Variants in IL11RA observed in about 807,000 individuals in gnomAD.
IL11RA encodes the protein interleukin-11 receptor subunit alpha.
Under a neutral mutation model 57.0 loss-of-function variants are expected in IL11RA, and 51 were observed. The ratio of observed to expected loss-of-function variants is 0.89; its 90% confidence interval spans 0.71 to 1.13. The LOEUF is 1.13. Among genes scored for constraint, IL11RA ranks in the 50% most tolerant of loss-of-function variants. IL11RA has a pLI of 0.00. For synonymous variants in IL11RA, 199 were observed against 217.5 expected (o/e 0.91, Z 0.75); for missense variants, 498 against 539.4 (o/e 0.92, Z 0.76).
intron 8 of IL11RA, 81 bp from the exon 9 acceptor site, chr9:34,659,678 C>A (rs1821413633): frequency 2.6e-6 from 4 of 1,555,820 alleles, no homozygotes; most frequent in African/African-American, 1.4e-5. Context: ...AGACTGGGAG[C>A]AAGGGGTGCT....
At chr9:34,661,404 C>G in intron 12 of IL11RA, 78 bp from the exon 13 acceptor site, 3 of 1,482,766 alleles carry the variant, frequency 2.0e-6, no homozygotes, top group South Asian at 1.1e-5. Context: ...AGAACTGAGT[C>G]ACCTCCCTCA....
chr9:34,656,034 C>CT (rs556829448), intron 3 of IL11RA: 60,205 of 253,892 alleles, frequency 0.24, 4,293 homozygotes, highest in Admixed American at 0.3. Flanking sequence ...TGAGTGGTTA[C>CT]TTTTTTTTTT....
rs35968627 is a variant in IL11RA at position 34,658,931 on chromosome 9, CT to C, written c.810+259del. Among the ~76,000 whole-genome samples the C allele has an allele frequency of 8.8e-5, 13 of 148,456 alleles. No individual in the cohort carries two copies. The highest frequency in any genetic ancestry group is 1.3e-4 in the Admixed American group (2 of 14,900). On this transcript the variant is annotated intron_variant, in intron 8 of 12. Transcript: ENST00000441545. The surrounding 1 kb of genome is among the most constrained non-coding windows in gnomAD (Gnocchi z 4.0). ...ATAGCAATGGCTTTTAAAAAAATAA[CT>C]TTTTTTTTTTGAGAGGGAGTCTCGC...
chr9:34,652,836 C>G (rs1376880621), intron 1 of IL11RA, among the ~76,000 whole-genome samples: 1 of 152,168 alleles, frequency 6.6e-6, no homozygotes, highest in Non-Finnish European at 1.5e-5. Context: ...CCTCCTTCCT[C>G]TGCTCAAGAA....
chr9:34,655,032 T>A, intron 1 of IL11RA, 186 bp from the exon 2 acceptor site: 2 of 615,720 alleles, frequency 3.2e-6, no homozygotes, highest in African/African-American at 1.9e-5. Context: ...CGCACGCACA[T>A]GCAAAGCACT....
intron 12 of IL11RA, 130 bp from the exon 13 acceptor site, chr9:34,661,352 T>C: frequency 1.0e-5 from 10 of 994,778 alleles, no homozygotes; most frequent in Non-Finnish European, 1.6e-5. Context: ...AGAGGCTCCC[T>C]CAGAGCTGGG....
intron 6 of IL11RA, 23 bp downstream of exon 6, chr9:34,657,358 G>C: frequency 6.2e-7 from 1 of 1,614,086 alleles, no homozygotes; most frequent in Non-Finnish European, 8.5e-7. Flanking sequence ...GGAGCATGTG[G>C]GGGCTCCAGC....
rs1395137646 is a variant in IL11RA at position 34,657,542 on chromosome 9, C to G, written c.601C>G (p.Leu201Val). 6.2e-7 allele frequency: 1 copy of G among 1,614,220 alleles called. No homozygotes were observed. Among genetic ancestry groups the G allele is most frequent in the East Asian group, 2.2e-5 (1 of 44,886 alleles). The change falls in exon 7 of 13, where the codon CTG (leucine) becomes GTG (valine). Residue 201 changes from leucine to valine, a missense_variant. Leu to Val is a conservative substitution (Grantham distance 32, BLOSUM62 1). Coordinates refer to ENST00000441545, the MANE Select transcript of IL11RA (RefSeq NM_001142784.3). The stretch of plus-strand genomic sequence containing the variant: ...GATTAATGTGACTGAGGTGAACCCA[C>G]TGGGTGCCAGCACACGCCTGCTGGA... ...YRINVTEVNP[L>V]GASTRLLDVS...
Position 34,658,670 on chromosome 9 carries a change from C to T in IL11RA, c.797C>T (p.Pro266Leu), listed in dbSNP as rs1821396325. 3.1e-6 allele frequency: 5 copies of T among 1,613,008 alleles called. No individual in the cohort carries two copies. The highest frequency in any genetic ancestry group is 4.2e-6 in the Non-Finnish European group (5 of 1,180,030). Residue 266 changes from proline to leucine, a missense_variant, in exon 8 of 13, where the codon CCA becomes CTA. By Grantham distance (98) the Pro-to-Leu change is moderately conservative. Transcript: ENST00000441545. This position sits in a 1 kb window ranked among gnomAD's most constrained non-coding sequence, Gnocchi z 4.0. ...FRLQYRPAQH[P>L]AWSTVEPAGL... ...TTGCAGTACCGTCCGGCGCAGCATC[C>T]AGCCTGGTCCACGGTGAGGCCTGGA...
In IL11RA at chr9:34,661,616, G is replaced by A. The variant is rs2132362133; in HGVS notation, c.*118G>A. The A allele has an allele frequency of 8.8e-7, 1 of 1,141,512 alleles. No homozygotes were observed. The highest frequency in any genetic ancestry group is 2.4e-5 in the East Asian group (1 of 42,524). 70.7% of individuals were successfully genotyped at this position (1,141,512 alleles called of 1,614,324 possible). On this transcript the variant is annotated 3_prime_UTR_variant, in exon 13 of 13. Coordinates refer to ENST00000441545, the MANE Select transcript of IL11RA (RefSeq NM_001142784.3). ...ATCTCAGCTGGAAGTTCTGTTTGGA[G>A]CCCATTTCTGTGAGACCCTGTATTT...
intron 8 of IL11RA, 130 bp from the exon 9 acceptor site, chr9:34,659,629 C>G (rs564930485): frequency 8.9e-7 from 1 of 1,120,466 alleles, no homozygotes; most frequent in South Asian, 1.2e-5. Context: ...ACCAGACACC[C>G]AACATGAGAC....
At position 34,660,516 on chromosome 9, in the gene IL11RA, CTG is replaced by C; in HGVS notation, c.1088_1089del (p.Val363GlyfsTer80). On this transcript the variant is annotated frameshift_variant, in exon 11 of 13. Transcript: ENST00000441545. LOFTEE classifies it high-confidence loss of function. ...CCCTCCCCCTCAGATCACAGGGACT[CTG>C]TGGAGCAGGTAGCTGTGCTGGCGTC... The C allele has an allele frequency of 6.2e-7, 1 of 1,614,154 alleles. No homozygotes were observed. Among genetic ancestry groups the C allele is most frequent in the Non-Finnish European group, 8.5e-7 (1 of 1,179,970 alleles).
intron 9 of IL11RA, 147 bp downstream of exon 9, chr9:34,660,047 C>T: frequency 1.6e-6 from 2 of 1,245,720 alleles, no homozygotes; most frequent in Non-Finnish European, 2.3e-6. Flanking sequence ...TGTTTGCCTA[C>T]AGCCCTGTCT....
At chr9:34,661,030 C>A in intron 12 of IL11RA, 94 bp downstream of exon 12, 2 of 1,050,514 alleles carry the variant, frequency 1.9e-6, no homozygotes, top group Non-Finnish European at 3.0e-6. Flanking sequence ...CATTTTAAAA[C>A]ATGCTGGGAA....
At chr9:34,655,062 G>A in intron 1 of IL11RA, 156 bp from the exon 2 acceptor site, 1 of 676,120 alleles carries the variant, frequency 1.5e-6, no homozygotes, top group Non-Finnish European at 2.7e-6. Context: ...GTGGGAAAGG[G>A]GACCTCAGGT....
Position 34,655,260 on chromosome 9 carries a change from G to A in IL11RA, c.43G>A (p.Val15Met), listed in dbSNP as rs375509258. The change falls in exon 2 of 13, where the codon GTG (valine) becomes ATG (methionine). Residue 15 changes from valine to methionine, a missense_variant. By Grantham distance (21) the Val-to-Met change is conservative (BLOSUM62 1). Transcript: ENST00000441545. The stretch of plus-strand genomic sequence containing the variant: ...AGGGCTGAGCAGGGTCCTGGTGGCC[G>A]TGGCTACAGCCCTGGTGTCTGCCTC... ...CSGLSRVLVA[V>M]ATALVSASSP... 3.5e-5 allele frequency: 57 copies of A among 1,612,000 alleles called. 1 individual carries two copies. The highest frequency in any genetic ancestry group is 3.0e-4 in the South Asian group (27 of 90,532).
intron 8 of IL11RA, 41 bp from the exon 9 acceptor site, chr9:34,659,718 C>G: frequency 6.2e-7 from 1 of 1,613,342 alleles, no homozygotes; most frequent in Non-Finnish European, 8.5e-7. Flanking sequence ...GAAGGCCCTG[C>G]ACTTACAAGC....
chr9:34,657,275 T>G (rs751596237), intron 5 of IL11RA, 28 bp from the exon 6 acceptor site: 1 of 1,614,156 alleles, frequency 6.2e-7, no homozygotes, highest in Non-Finnish European at 8.5e-7. Flanking sequence ...TTTTCCTTCC[T>G]GACTTCAGAT....
Position 34,661,858 on chromosome 9 carries a change from G to A in IL11RA, c.*360G>A, listed in dbSNP as rs1231624335. The A allele has an allele frequency of 6.6e-7, 1 of 1,503,946 alleles. No individual in the cohort carries two copies. Among genetic ancestry groups the A allele is most frequent in the Non-Finnish European group, 9.1e-7 (1 of 1,093,596 alleles). 93.2% of individuals were successfully genotyped at this position (1,503,946 alleles called of 1,614,324 possible). ...TTCCCCTTGCAGGGGTTGTGCAGGT[G>A]TGAATAAAGAGAATAAGGAAGTTCT... On this transcript the variant is annotated 3_prime_UTR_variant, in exon 13 of 13. Transcript: ENST00000441545.
Sources: gnomAD v4.1 joint callset for allele counts (sites outside exome capture counted in the v4.1 genomes callset) on GRCh38, gnomAD v4.1.1 for gene constraint, Gnocchi (gnomAD v3.1) non-coding constraint, MANE v1.5 for transcripts, NCBI Gene and HGNC (gene_info 2026-07-23, HGNC 2026-07-21) for gene names.